The following ASPRV1 variants were observed in gnomAD, a reference collection of about 807,000 sequenced individuals.
The protein encoded by ASPRV1 is retroviral-like aspartic protease 1.
In ASPRV1, 7 loss-of-function variants were observed where a neutral mutation model predicts 11.0. That is an observed-to-expected ratio of 0.64 (90% CI 0.36 to 1.20). The LOEUF (loss-of-function observed/expected upper bound fraction) is 1.20. Among genes scored for constraint, ASPRV1 ranks in the 50% most tolerant of loss-of-function variants. The pLI is 0.02. For synonymous variants in ASPRV1, 136 were observed against 138.4 expected (o/e 0.98, Z 0.12); for missense variants, 299 against 320.0 (o/e 0.93, Z 0.50).
the ASPRV1 span, among the ~76,000 whole-genome samples, chr2:70,065,797 T>C: frequency 3.6e-5 from 4 of 110,256 alleles, no homozygotes; most frequent in South Asian, 8.5e-4. Context: ...ACAGCCTGGG[T>C]GACAGAACGA....
the ASPRV1 span, chr2:70,045,445 T>G: frequency 3.3e-5 from 5 of 152,188 alleles, no homozygotes; most frequent in African/African-American, 1.2e-4. Context: ...CCATCTAAAT[T>G]ATCATGTACC....
At chr2:70,085,579 T>C in the ASPRV1 span, 1 of 152,200 alleles carries the variant, frequency 6.6e-6, no homozygotes, top group Admixed American at 6.5e-5. Context: ...ATCCCCGACA[T>C]TGTGTGACCT....
rs774355476 is a variant in ASPRV1 at position 69,961,277 on chromosome 2, G to A, written c.160C>T (p.Leu54=). 1 of 1,614,104 alleles carries A rather than the reference G, an allele frequency of 6.2e-7. No individual in the cohort carries two copies. The highest frequency in any genetic ancestry group is 1.1e-5 in the South Asian group (1 of 91,066). The change falls in exon 1 of 1, where the codon CTG becomes TTG. Residue 54 remains leucine, a synonymous_variant. Coordinates refer to ENST00000320256, the MANE Select transcript of ASPRV1 (RefSeq NM_152792.4). ...GCCTCTCCTCTGAGGGACTCTTTCA[G>A]GAACCTTAGCTTGGTGATATGGTCC... is the stretch of plus-strand genomic sequence containing the variant. ...HWDHITKLRF[L]KESLRGEALG...
At chr2:70,040,621 G>A in the ASPRV1 span, among the ~76,000 whole-genome samples, 1 of 152,134 alleles carries the variant, frequency 6.6e-6, no homozygotes, top group Admixed American at 6.6e-5. Flanking sequence ...GGATCATGAG[G>A]TCAAAAGTTC....
chr2:69,949,322 G>C, the ASPRV1 span, among the ~76,000 whole-genome samples: 2 of 152,160 alleles, frequency 1.3e-5, no homozygotes, highest in African/African-American at 2.4e-5. Flanking sequence ...CTTTTTAAGA[G>C]AGACAGAGGA....
the ASPRV1 span, among the ~76,000 whole-genome samples, chr2:70,086,687 T>C: frequency 6.6e-6 from 1 of 152,184 alleles, no homozygotes; most frequent in Non-Finnish European, 1.5e-5. Context: ...CGGAAAAGGG[T>C]GCCGCGGTGG....
At chr2:69,996,838 G>T in the ASPRV1 span, 1 of 427,946 alleles carries the variant, frequency 2.3e-6, no homozygotes, top group Non-Finnish European at 4.7e-6. Context: ...TGAGAATGCT[G>T]ATGGATAAGG....
the ASPRV1 span, among the ~76,000 whole-genome samples, chr2:70,077,067 A>G: frequency 1.3e-5 from 2 of 152,164 alleles, no homozygotes; most frequent in Non-Finnish European, 2.9e-5. Flanking sequence ...GTCCGACCCC[A>G]TAGTCTATGC....
the ASPRV1 span, among the ~76,000 whole-genome samples, chr2:70,000,187 T>A: frequency 6.6e-6 from 1 of 151,866 alleles, no homozygotes; most frequent in Admixed American, 6.6e-5. Flanking sequence ...GATAAAATAT[T>A]TGTAATATAT....
chr2:70,020,988 A>G, the ASPRV1 span, among the ~76,000 whole-genome samples: 8 of 152,206 alleles, frequency 5.3e-5, no homozygotes, highest in East Asian at 1.5e-3. Context: ...ATACTTAAAA[A>G]TTTTATGTGT....
At chr2:69,937,530 G>C in the ASPRV1 span, 2 of 790,298 alleles carry the variant, frequency 2.5e-6, no homozygotes, top group Non-Finnish European at 3.9e-6. Context: ...CGAACAGTGT[G>C]ACCTCCAGTG....
At chr2:69,956,428 AAAG>A (rs1373678497), downstream of ASPRV1, among the ~76,000 whole-genome samples, 3 of 106,124 alleles carry the variant, frequency 2.8e-5, no homozygotes, top group East Asian at 6.3e-4. Flanking sequence ...AAGAAAGAAG[AAAG>A]AAGAAGGAGA....
chr2:69,983,654 A>G, the ASPRV1 span, among the ~76,000 whole-genome samples: 110 of 152,238 alleles, frequency 7.2e-4, no homozygotes, highest in African/African-American at 2.4e-3. Flanking sequence ...GTAATTACAC[A>G]GTTCTGTGAA....
chr2:69,972,463 T>A, the ASPRV1 span, among the ~76,000 whole-genome samples: 1 of 152,020 alleles, frequency 6.6e-6, no homozygotes, highest in Non-Finnish European at 1.5e-5. Flanking sequence ...GTTCAAGTGA[T>A]TCTCCTGCCT....
the ASPRV1 span, among the ~76,000 whole-genome samples, chr2:69,974,164 T>C: frequency 0.023 from 3,437 of 152,096 alleles, 149 homozygotes; most frequent in Admixed American, 0.097. Context: ...AAGGAGAAAC[T>C]CTGTCTCTAA....
At chr2:70,064,546 C>A in the ASPRV1 span, among the ~76,000 whole-genome samples, 2 of 152,074 alleles carry the variant, frequency 1.3e-5, no homozygotes, top group African/African-American at 2.4e-5. Flanking sequence ...CAGGCAGTGG[C>A]AGAGCATGGG....
At chr2:69,975,078 AG>A in the ASPRV1 span, among the ~76,000 whole-genome samples, 2 of 152,236 alleles carry the variant, frequency 1.3e-5, no homozygotes, top group Admixed American at 1.3e-4. Context: ...CTCCAGGCTA[AG>A]GTTGGATTCT....
At chr2:70,060,659 A>T in the ASPRV1 span, among the ~76,000 whole-genome samples, 9 of 152,110 alleles carry the variant, frequency 5.9e-5, no homozygotes, top group African/African-American at 2.2e-4. Context: ...CTAAAAAAAA[A>T]TACAAAATTA....
chr2:70,078,533 A>G, the ASPRV1 span, among the ~76,000 whole-genome samples: 1 of 152,260 alleles, frequency 6.6e-6, no homozygotes, highest in Non-Finnish European at 1.5e-5. Context: ...AGAAACCTGA[A>G]GGAGATAAGG....
Sources: gnomAD v4.1 joint callset for allele counts (sites outside exome capture counted in the v4.1 genomes callset) on GRCh38, gnomAD v4.1.1 for gene constraint, MANE v1.5 for transcripts, NCBI Gene and HGNC (gene_info 2026-07-23, HGNC 2026-07-21) for gene names.